Variants in SDK1 observed in about 807,000 individuals in gnomAD.
The protein encoded by SDK1 is protein sidekick-1.
In SDK1, 157 loss-of-function variants were observed where a neutral mutation model predicts 245.5. That is an observed-to-expected ratio of 0.64 (90% CI 0.56 to 0.73). The LOEUF is 0.73. SDK1 is among the 30% of genes least tolerant of loss of function. The probability of loss-of-function intolerance (pLI) is 0.00; values close to 1 mark genes in which losing one functional copy is unlikely to be tolerated. For synonymous variants in SDK1, 1,647 were observed against 1,278.5 expected, an observed-to-expected ratio of 1.29 and a Z score of -6.15; for missense variants, 3,583 against 3,002.3, an observed-to-expected ratio of 1.19 and a Z score of -4.52.
intron 4 of SDK1, among the ~76,000 whole-genome samples, chr7:3,690,771 T>C (rs2114995333): frequency 6.6e-6 from 1 of 152,286 alleles, no homozygotes; most frequent in Non-Finnish European, 1.5e-5. Flanking sequence ...AAGGTCAAAA[T>C]AAACCTTATA....
chr7:3,824,959 G>A (rs903169090), intron 5 of SDK1, among the ~76,000 whole-genome samples: 2 of 152,028 alleles, frequency 1.3e-5, no homozygotes, highest in African/African-American at 4.8e-5. Flanking sequence ...GGAAGGAGAG[G>A]ATTTCCCTGA....
intron 25 of SDK1, among the ~76,000 whole-genome samples, chr7:4,120,204 C>T (rs1783968333): frequency 6.7e-6 from 1 of 148,866 alleles, no homozygotes; most frequent in Admixed American, 6.7e-5. Context: ...ATGAGAGTTA[C>T]AAAATACACA....
At chr7:3,398,622 C>A (rs1778795878) in intron 1 of SDK1, among the ~76,000 whole-genome samples, 1 of 151,814 alleles carries the variant, frequency 6.6e-6, no homozygotes, top group Non-Finnish European at 1.5e-5. Context: ...CTTGCCCTTG[C>A]TGAGCACATG....
At chr7:3,361,882 C>T (rs755891919) in intron 1 of SDK1, among the ~76,000 whole-genome samples, 3 of 152,140 alleles carry the variant, frequency 2.0e-5, no homozygotes, top group African/African-American at 7.2e-5. Context: ...ATATGCACAA[C>T]CTGGCAATTT....
In SDK1 at chr7:3,909,276, C is replaced by T. The variant is rs1397017576; in HGVS notation, c.848-41647C>T. 5.3e-5 allele frequency among the ~76,000 whole-genome samples: 8 copies of T among 152,260 alleles called. No individual in the cohort carries two copies. In the South Asian group the frequency reaches 1.0e-3, roughly 20 times the overall value. On this transcript the variant is annotated intron_variant, in intron 5 of 44. Coordinates refer to ENST00000404826, the MANE Select transcript of SDK1 (RefSeq NM_152744.4). ...AGCTCTGCTCTCCAGCAGGCTCTCT[C>T]GGGTGGTGACCAGATGGCCGCCAAT...
intron 5 of SDK1, among the ~76,000 whole-genome samples, chr7:3,846,535 C>T (rs1780282456): frequency 6.6e-6 from 1 of 152,196 alleles, no homozygotes; most frequent in African/African-American, 2.4e-5. Context: ...CTCTCAACAG[C>T]CTCCTGGTTC....
intron 1 of SDK1, among the ~76,000 whole-genome samples, chr7:3,330,371 A>G (rs1003147317): frequency 1.3e-5 from 2 of 152,176 alleles, no homozygotes; most frequent in Admixed American, 1.3e-4. Flanking sequence ...TGTGGTTTAA[A>G]TGTGTTCCCT....
Position 3,924,093 on chromosome 7 carries a change from C to CTTT in SDK1, c.848-26819_848-26817dup, listed in dbSNP as rs111644858. Among the ~76,000 whole-genome samples, 8 of 143,884 alleles carry CTTT rather than the reference C, an allele frequency of 5.6e-5. No individual in the cohort carries two copies. The South Asian group carries it at 1.8e-3, about 32-fold the overall frequency. 94.4% of individuals were successfully genotyped at this position (143,884 alleles called of 152,430 possible). A position where few individuals can be genotyped will look rare whatever the true frequency, so the allele number is the denominator to read the frequency against. On this transcript the variant is annotated intron_variant, in intron 5 of 44. Transcript: ENST00000404826. ...AAATCACCTGGAGGCAGAAATTCCT[C>CTTT]TTTTTTTTTTTTTGGATGACCTAAG...
Position 3,529,401 on chromosome 7 carries a change from A to G in SDK1, c.299-89679A>G, listed in dbSNP as rs571888180. On this transcript the variant is annotated intron_variant, in intron 1 of 44. Coordinates refer to ENST00000404826, the MANE Select transcript of SDK1 (RefSeq NM_152744.4). ...CCTTGGAAAACTATCTGTGCTAGAA[A>G]GTAAGGAAACACTCAGAATGATGGG... 2.6e-5 allele frequency among the ~76,000 whole-genome samples: 4 copies of G among 152,360 alleles called. No individual in the cohort carries two copies. In the East Asian group the frequency reaches 5.8e-4, roughly 22 times the overall value.
At chr7:4,011,542 G>A (rs1036780741) in intron 15 of SDK1, among the ~76,000 whole-genome samples, 16 of 152,182 alleles carry the variant, frequency 1.1e-4, no homozygotes, top group Admixed American at 2.6e-4. Flanking sequence ...ATTCCTGAGC[G>A]GTCTTCACGC....
chr7:3,526,403 ATATAT>A (rs1477649516), intron 1 of SDK1, among the ~76,000 whole-genome samples: 3 of 152,268 alleles, frequency 2.0e-5, no homozygotes, highest in Non-Finnish European at 4.4e-5. Flanking sequence ...TTTGTCTATG[ATATAT>A]TATAACTTCC....
intron 4 of SDK1, among the ~76,000 whole-genome samples, chr7:3,784,211 C>T (rs1461989084): frequency 6.6e-6 from 1 of 151,574 alleles, no homozygotes; most frequent in Admixed American, 6.6e-5. Flanking sequence ...GACCCCCATG[C>T]CTGGCCTATT....
chr7:3,597,760 T>G (rs1040380603), intron 1 of SDK1, among the ~76,000 whole-genome samples: 1 of 152,180 alleles, frequency 6.6e-6, no homozygotes, highest in South Asian at 2.1e-4. Flanking sequence ...ACAGACAGTT[T>G]TGTTTTTGAC....
intron 1 of SDK1, among the ~76,000 whole-genome samples, chr7:3,609,133 A>AT (rs1183854769): frequency 6.6e-6 from 1 of 152,160 alleles, no homozygotes; most frequent in Non-Finnish European, 1.5e-5. Context: ...AATGACTTTG[A>AT]TTTTTTAAGG....
chr7:3,415,786 G>A (rs1779349407), intron 1 of SDK1, among the ~76,000 whole-genome samples: 1 of 151,532 alleles, frequency 6.6e-6, no homozygotes, highest in South Asian at 2.1e-4. Flanking sequence ...TTCGGAGTAG[G>A]GACTATGTTT....
chr7:3,470,033 TTTCA>T (rs1439357075), intron 1 of SDK1, among the ~76,000 whole-genome samples: 2 of 152,184 alleles, frequency 1.3e-5, no homozygotes, highest in Admixed American at 1.3e-4. Flanking sequence ...ACTGCTTTTC[TTTCA>T]TTCATTTTTC....
intron 5 of SDK1, among the ~76,000 whole-genome samples, chr7:3,932,253 G>A (rs1780002488): frequency 6.6e-6 from 1 of 152,168 alleles, no homozygotes; most frequent in Non-Finnish European, 1.5e-5. Context: ...AGTATCTTAG[G>A]AGGGATCTTA....
chr7:4,167,809 T>C (rs955971029), intron 32 of SDK1, among the ~76,000 whole-genome samples: 1 of 152,250 alleles, frequency 6.6e-6, no homozygotes, highest in Non-Finnish European at 1.5e-5. Context: ...TATAATACTC[T>C]GGAGGCCATC....
At chr7:3,859,779 A>G (rs79159520) in intron 5 of SDK1, among the ~76,000 whole-genome samples, 8,089 of 152,248 alleles carry the variant, frequency 0.053, 698 homozygotes, top group African/African-American at 0.18. Context: ...TGTGTCACTC[A>G]CGTCACACTT....
Sources: gnomAD v4.1 joint callset for allele counts (sites outside exome capture counted in the v4.1 genomes callset) on GRCh38, gnomAD v4.1.1 for gene constraint, MANE v1.5 for transcripts, NCBI Gene and HGNC (gene_info 2026-07-23, HGNC 2026-07-21) for gene names.